Variants in NMD3 observed in about 807,000 individuals in gnomAD.
NMD3 encodes 60S ribosomal export protein NMD3.
In NMD3, 47 loss-of-function variants were observed where a neutral mutation model predicts 73.1. The observed-to-expected ratio is 0.64, with a 90% CI of 0.51 to 0.82. The LOEUF is 0.82. NMD3 is among the 40% of genes least tolerant of loss of function. NMD3 has a pLI of 0.00. For synonymous variants in NMD3, 210 were observed against 194.5 expected (o/e 1.08, Z -0.66); for missense variants, 554 against 612.5 (o/e 0.90, Z 1.01).
chr3:161,250,908 T>C lies in NMD3; in HGVS notation c.1510T>C (p.Ter504GlnextTer1). The C allele has an allele frequency of 6.2e-7, 1 of 1,611,186 alleles. No homozygotes were observed. The highest frequency in any genetic ancestry group is 1.1e-5 in the South Asian group (1 of 90,876). ...TGAAGAAGGTGCATCAATGCTGACA[T>C]AATGAGATGTTGTAGACTGTTTCCA... is the stretch of plus-strand genomic sequence containing the variant. ...TGEEGASMLT[*>Q] is the part of the protein sequence containing the mutation. Residue 504 changes from the stop codon to glutamine (Q), a stop_lost, in exon 16 of 16, where the codon TAA becomes CAA. Transcript: ENST00000351193.
intron 2 of NMD3, 81 bp downstream of exon 2, chr3:161,222,138 AG>A: frequency 8.9e-7 from 1 of 1,126,188 alleles, no homozygotes; most frequent in Admixed American, 1.8e-5. Context: ...AGAACGCTTG[AG>A]GGTGGGTGGG....
chr3:161,241,948 G>C (rs1047700243), intron 10 of NMD3, among the ~76,000 whole-genome samples: 3 of 151,762 alleles, frequency 2.0e-5, no homozygotes, highest in African/African-American at 7.3e-5. Flanking sequence ...ATTTTGGTAG[G>C]TATCTTAGTA....
chr3:161,247,425 C>A, intron 13 of NMD3, 95 bp downstream of exon 13: 14 of 631,868 alleles, frequency 2.2e-5, no homozygotes, highest in South Asian at 8.0e-5. Flanking sequence ...TTGAAAATAA[C>A]AAATCAATTT....
chr3:161,222,112 G>C (rs1014865305), intron 2 of NMD3, 55 bp downstream of exon 2: 1 of 1,444,006 alleles, frequency 6.9e-7, no homozygotes, highest in Non-Finnish European at 9.7e-7. Context: ...CAGTGAGCCC[G>C]GGAAACTCAC....
At chr3:161,222,132 C>T in intron 2 of NMD3, 75 bp downstream of exon 2, 1 of 1,185,248 alleles carries the variant, frequency 8.4e-7, no homozygotes, top group Non-Finnish European at 1.3e-6. Context: ...CTATGGAGAA[C>T]GCTTGAGGGT....
intron 4 of NMD3, among the ~76,000 whole-genome samples, chr3:161,231,877 G>C (rs2108081732): frequency 6.6e-6 from 1 of 152,298 alleles, no homozygotes; most frequent in South Asian, 2.1e-4. Context: ...TCGGGGAGGA[G>C]TGTTAGATGG....
At position 161,238,096 on chromosome 3, in the gene NMD3, T is replaced by G; in HGVS notation, c.578-17T>G. On this transcript the variant is annotated splice_polypyrimidine_tract_variant and intron_variant, in intron 7 of 15. Transcript: ENST00000351193. ...TTTGCATAATTATTTTCATAGGGCT[T>G]TTTTTTTTTTTTTAAGATGGTCTGG... is the stretch of plus-strand genomic sequence containing the variant. 1 of 276,998 alleles carries G rather than the reference T, an allele frequency of 3.6e-6. No homozygotes were observed. Among genetic ancestry groups the G allele is most frequent in the Non-Finnish European group, 4.3e-6 (1 of 232,118 alleles). The allele number at this position is 276,998 out of a possible 1,614,324, so 17.2% of individuals were successfully genotyped here. A position where few individuals can be genotyped will look rare whatever the true frequency, so the allele number is the denominator to read the frequency against.
At chr3:161,228,640 A>T (rs1382608079) in intron 4 of NMD3, among the ~76,000 whole-genome samples, 1 of 151,706 alleles carries the variant, frequency 6.6e-6, no homozygotes, top group East Asian at 1.9e-4. Context: ...GTTTTTGTCA[A>T]ATGTCTAGTG....
At chr3:161,239,196 A>T (rs544098549) in intron 9 of NMD3, among the ~76,000 whole-genome samples, 45 of 152,320 alleles carry the variant, frequency 3.0e-4, no homozygotes, top group Admixed American at 9.8e-4. Flanking sequence ...GAATATGTAC[A>T]AACAAAATTT....
Position 161,225,043 on chromosome 3 carries a change from C to T in NMD3, c.158C>T (p.Ser53Leu), listed in dbSNP as rs1377156562. The T allele has an allele frequency of 1.5e-5, 25 of 1,613,712 alleles. No homozygotes were observed. Among genetic ancestry groups the T allele is most frequent in the Non-Finnish European group, 1.9e-5 (23 of 1,179,926 alleles). ...GGTATTCCGAAACAAGTCTCGATTT[C>T]GTTCTGCAAACAATGTCAAAGGTAC... ...SQGIPKQVSISFCKQCQRYFQ... is the reference protein window; with the variant it reads ...SQGIPKQVSILFCKQCQRYFQ... The change falls in exon 3 of 16, where the codon TCG becomes TTG. Residue 53 changes from serine to leucine, a missense_variant. Transcript: ENST00000351193.
intron 13 of NMD3, among the ~76,000 whole-genome samples, chr3:161,249,085 T>C (rs770387071): frequency 6.6e-5 from 10 of 152,152 alleles, no homozygotes; most frequent in Non-Finnish European, 1.5e-4. Context: ...TGCTTATTGG[T>C]GGGTATAAGA....
chr3:161,243,695 C>T (rs1229347273), intron 11 of NMD3, among the ~76,000 whole-genome samples: 1 of 152,112 alleles, frequency 6.6e-6, no homozygotes, highest in Non-Finnish European at 1.5e-5. Context: ...TGTGTTTCCT[C>T]TAAACTGGAA....
At chr3:161,244,995 C>G (rs1167989493) in intron 11 of NMD3, among the ~76,000 whole-genome samples, 1 of 152,064 alleles carries the variant, frequency 6.6e-6, no homozygotes, top group East Asian at 1.9e-4. Context: ...TTGAAAGCAT[C>G]CTTGATTTCT....
chr3:161,242,749 G>A, intron 11 of NMD3, 96 bp downstream of exon 11: 1 of 1,163,980 alleles, frequency 8.6e-7, no homozygotes. Context: ...TGTTTCCACA[G>A]TATGGAATCC....
chr3:161,227,686 A>G (rs1736377569), intron 4 of NMD3, among the ~76,000 whole-genome samples: 2 of 152,014 alleles, frequency 1.3e-5, no homozygotes, highest in Non-Finnish European at 2.9e-5. Context: ...TGACCTCGTG[A>G]TCTGCCTGCC....
In NMD3 at chr3:161,251,927, C is replaced by T. The variant is rs1157389208; in HGVS notation, c.*1017C>T. 6.6e-6 allele frequency: 1 copy of T among 152,180 alleles called. No individual in the cohort carries two copies. Among genetic ancestry groups the T allele is most frequent in the Non-Finnish European group, 1.5e-5 (1 of 68,036 alleles). 9.4% of individuals were successfully genotyped at this position (152,180 alleles called of 1,614,324 possible). A position where few individuals can be genotyped will look rare whatever the true frequency, so the allele number is the denominator to read the frequency against. On this transcript the variant is annotated 3_prime_UTR_variant, in exon 16 of 16. Coordinates refer to ENST00000351193, the MANE Select transcript of NMD3 (RefSeq NM_015938.5). The stretch of plus-strand genomic sequence containing the variant: ...AAGATCCAATTTCTATAAGCAAGAT[C>T]AGACTTGTTAAGTATGCCGCAAGTA...
downstream of NMD3, among the ~76,000 whole-genome samples, chr3:161,252,460 T>A (rs2108107917): frequency 6.6e-6 from 1 of 152,348 alleles, no homozygotes; most frequent in East Asian, 1.9e-4. Flanking sequence ...TATTTAGTCT[T>A]ACTCATTTTG....
chr3:161,247,896 C>T (rs1262119180), intron 13 of NMD3, among the ~76,000 whole-genome samples: 1 of 151,964 alleles, frequency 6.6e-6, no homozygotes, highest in Non-Finnish European at 1.5e-5. Flanking sequence ...AATCCTCCCA[C>T]CTCAGCCTCC....
At chr3:161,241,968 AT>A (rs1357419068) in intron 10 of NMD3, among the ~76,000 whole-genome samples, 7 of 152,048 alleles carry the variant, frequency 4.6e-5, no homozygotes, top group African/African-American at 1.7e-4. Flanking sequence ...ATTTGGATGT[AT>A]CTTCTGCTTG....
Sources: allele counts gnomAD v4.1 joint callset (sites outside exome capture counted in the v4.1 genomes callset), GRCh38; gene constraint gnomAD v4.1.1; transcripts MANE v1.5; gene names NCBI Gene and HGNC (gene_info 2026-07-23, HGNC 2026-07-21).